Variants in EHBP1 observed in about 807,000 individuals in gnomAD.
EHBP1 encodes the protein EH domain binding protein 1.
A neutral mutation model predicts 144.0 loss-of-function variants in EHBP1; 55 were observed. The ratio of observed to expected loss-of-function variants is 0.38; its 90% confidence interval spans 0.31 to 0.48. EHBP1 has a LOEUF of 0.48. EHBP1 is among the 20% of genes least tolerant of loss of function. The probability of loss-of-function intolerance (pLI) is 0.98; values close to 1 mark genes in which losing one functional copy is unlikely to be tolerated. For synonymous variants in EHBP1, 469 were observed against 472.7 expected, an observed-to-expected ratio of 0.99 and a Z score of 0.10; for missense variants, 1,200 against 1,364.2, an observed-to-expected ratio of 0.88 and a Z score of 1.90.
At position 62,820,737 on chromosome 2, in the gene EHBP1, A is replaced by AATATATATATATAT. The variant is rs57039974; in HGVS notation, c.313-5319_313-5306dup. Among the ~76,000 whole-genome samples the AATATATATATATAT allele has an allele frequency of 1.2e-3, 65 of 54,630 alleles. 1 individual carries two copies. The highest frequency in any genetic ancestry group is 2.5e-3 in the Admixed American group (9 of 3,570). 35.8% of individuals were successfully genotyped at this position (54,630 alleles called of 152,430 possible). On this transcript the variant is annotated intron_variant, in intron 5 of 22. Transcript: ENST00000431489. ...TGTGTGTGTGTGTGTGTGTGTGTAT[A>AATATATATATATAT]ATATATATATATATATATATATATA...
chr2:62,768,097 C>T (rs1011737451), intron 4 of EHBP1, among the ~76,000 whole-genome samples: 2 of 152,074 alleles, frequency 1.3e-5, no homozygotes, highest in African/African-American at 2.4e-5. Flanking sequence ...AACAACCTAA[C>T]ATCACAACTG....
In EHBP1 at chr2:62,840,755, G is replaced by A. The variant is rs1191461922; in HGVS notation, c.634+9597G>A. On this transcript the variant is annotated intron_variant, in intron 7 of 22. Coordinates refer to ENST00000431489, the MANE Select transcript of EHBP1 (RefSeq NM_001142616.3). The stretch of plus-strand genomic sequence containing the variant: ...CATGAAAAAATGCTCATCATCACTG[G>A]CCATCAGAGAAATGCAAATCAAAAC... Among the ~76,000 whole-genome samples, 13 of 151,306 alleles carry A rather than the reference G, an allele frequency of 8.6e-5. No homozygotes were observed. In the East Asian group the frequency reaches 1.4e-3, roughly 16 times the overall value.
intron 10 of EHBP1, among the ~76,000 whole-genome samples, chr2:62,883,624 T>A (rs756864444): frequency 6.6e-6 from 1 of 152,160 alleles, no homozygotes; most frequent in Non-Finnish European, 1.5e-5. Flanking sequence ...GCTGGAAGAT[T>A]GCTTGAGCCC....
At chr2:62,836,278 G>T (rs1315315256) in intron 7 of EHBP1, among the ~76,000 whole-genome samples, 1 of 151,636 alleles carries the variant, frequency 6.6e-6, no homozygotes, top group African/African-American at 2.4e-5. Context: ...TGCAGCTGAG[G>T]GTCCTGTCTG....
At chr2:62,836,246 C>A (rs1203671189) in intron 7 of EHBP1, among the ~76,000 whole-genome samples, 1 of 152,118 alleles carries the variant, frequency 6.6e-6, no homozygotes, top group Non-Finnish European at 1.5e-5. Context: ...ACACCTCACA[C>A]AGCAGGGCAT....
intron 10 of EHBP1, among the ~76,000 whole-genome samples, chr2:62,877,865 CA>C (rs1008980571): frequency 6.6e-6 from 1 of 152,112 alleles, no homozygotes; most frequent in African/African-American, 2.4e-5. Context: ...ACCAAGTGCC[CA>C]CATTAAAAAG....
At chr2:62,893,613 A>T (rs1374268495) in intron 10 of EHBP1, among the ~76,000 whole-genome samples, 1 of 152,244 alleles carries the variant, frequency 6.6e-6, no homozygotes, top group African/African-American at 2.4e-5. Flanking sequence ...GATTTTGTTT[A>T]GGTGAGAAAT....
intron 7 of EHBP1, among the ~76,000 whole-genome samples, chr2:62,856,978 A>G (rs527912661): frequency 1.3e-5 from 2 of 152,290 alleles, no homozygotes; most frequent in East Asian, 3.9e-4. Flanking sequence ...AACTTGGCCC[A>G]CTGTTGCTGG....
At chr2:63,021,067 C>T (rs926204067) in intron 19 of EHBP1, among the ~76,000 whole-genome samples, 14 of 150,094 alleles carry the variant, frequency 9.3e-5, no homozygotes, top group African/African-American at 3.4e-4. Flanking sequence ...GTGATCCTCC[C>T]ACCTCAGCCT....
At chr2:62,957,641 C>CTTTTTTTTTTTTTTTTTTTTTTTTTTT (rs1157397512) in intron 14 of EHBP1, among the ~76,000 whole-genome samples, 4 of 87,174 alleles carry the variant, frequency 4.6e-5, no homozygotes, top group Admixed American at 1.7e-4. Flanking sequence ...AAAATAAATG[C>CTTTTTTTTTTTTTTTTTTTTTTTTTTT]TTTTTTTTTT....
chr2:62,684,517 T>C (rs777441856), intron 1 of EHBP1, among the ~76,000 whole-genome samples: 2 of 152,188 alleles, frequency 1.3e-5, no homozygotes, highest in Non-Finnish European at 2.9e-5. Context: ...AGGCCTGAAA[T>C]GAGCCATTGA....
intron 14 of EHBP1, among the ~76,000 whole-genome samples, chr2:62,968,490 T>C (rs1160502143): frequency 1.3e-5 from 2 of 152,182 alleles, no homozygotes; most frequent in East Asian, 3.9e-4. Context: ...TTAGAGGTTT[T>C]TCTAGTGAAA....
At chr2:62,882,118 G>A (rs2051484077) in intron 10 of EHBP1, among the ~76,000 whole-genome samples, 1 of 152,166 alleles carries the variant, frequency 6.6e-6, no homozygotes, top group Admixed American at 6.5e-5. Flanking sequence ...TGTGGCTTTT[G>A]TTAAATGCCA....
intron 1 of EHBP1, among the ~76,000 whole-genome samples, chr2:62,674,935 C>T (rs1300665629): frequency 6.6e-6 from 1 of 152,156 alleles, no homozygotes; most frequent in Non-Finnish European, 1.5e-5. Flanking sequence ...CCAGCCAAGT[C>T]TTAAGAGCCT....
intron 5 of EHBP1, among the ~76,000 whole-genome samples, chr2:62,782,911 A>G: frequency 6.6e-6 from 1 of 152,164 alleles, no homozygotes; most frequent in East Asian, 1.9e-4. Context: ...CAAAAGTCTA[A>G]GTCCAAAGTT....
At chr2:62,925,039 G>T (rs1317785568) in intron 10 of EHBP1, among the ~76,000 whole-genome samples, 2 of 152,134 alleles carry the variant, frequency 1.3e-5, no homozygotes, top group African/African-American at 4.8e-5. Context: ...GCCCAAAAAT[G>T]CAAGAATGGT....
chr2:62,886,722 A>G (rs2051963392), intron 10 of EHBP1, among the ~76,000 whole-genome samples: 1 of 152,164 alleles, frequency 6.6e-6, no homozygotes, highest in African/African-American at 2.4e-5. Context: ...CTTTTTAATG[A>G]TGATTTAGTT....
At chr2:62,742,399 G>T (rs189205883) in intron 2 of EHBP1, among the ~76,000 whole-genome samples, 11 of 152,166 alleles carry the variant, frequency 7.2e-5, no homozygotes, top group Non-Finnish European at 1.0e-4. Flanking sequence ...TCTTTGAAAG[G>T]TCTACTTTTA....
chr2:62,692,284 T>A (rs911171170), intron 1 of EHBP1, among the ~76,000 whole-genome samples: 2 of 152,250 alleles, frequency 1.3e-5, no homozygotes, highest in African/African-American at 4.8e-5. Context: ...CATGAGCTGA[T>A]AGAATTTGGG....
Sources: allele counts gnomAD v4.1 joint callset (sites outside exome capture counted in the v4.1 genomes callset), GRCh38; gene constraint gnomAD v4.1.1; transcripts MANE v1.5; gene names NCBI Gene and HGNC (gene_info 2026-07-23, HGNC 2026-07-21).